The following EFCAB8 variants were observed in gnomAD, a reference collection of about 807,000 sequenced individuals.
The protein encoded by EFCAB8 is EF-hand calcium binding domain 8, also known as EF-hand calcium-binding domain-containing protein 8.
A neutral mutation model predicts 116.3 loss-of-function variants in EFCAB8; 100 were observed. The observed-to-expected ratio is 0.86, with a 90% confidence interval of 0.73 to 1.02. EFCAB8 has a LOEUF of 1.02. EFCAB8 is among the 50% of genes least tolerant of loss of function. The probability of loss-of-function intolerance (pLI) is 0.00; values close to 1 mark genes in which losing one functional copy is unlikely to be tolerated. For synonymous variants in EFCAB8, 558 were observed against 567.9 expected, an observed-to-expected ratio of 0.98 and a Z score of 0.25; for missense variants, 1,320 against 1,416.9, an observed-to-expected ratio of 0.93 and a Z score of 1.10.
chr20:32,893,766 G>T (rs1346146019), intron 9 of EFCAB8, among the ~76,000 whole-genome samples: 1 of 152,128 alleles, frequency 6.6e-6, no homozygotes, highest in Non-Finnish European at 1.5e-5. Context: ...GCATGGCCTG[G>T]CTGGCATGGG....
chr20:32,936,910 TTA>T (rs1302742301), intron 22 of EFCAB8, among the ~76,000 whole-genome samples: 1 of 152,118 alleles, frequency 6.6e-6, no homozygotes. Flanking sequence ...TATGAATATT[TTA>T]ATAATATTAA....
chr20:32,918,450 G>A lies in EFCAB8; in HGVS notation c.2150G>A (p.Arg717Lys), dbSNP rs1365792045. 6.4e-7 allele frequency: 1 copy of A among 1,551,618 alleles called. No homozygotes were observed. Among genetic ancestry groups the A allele is most frequent in the Non-Finnish European group, 8.7e-7 (1 of 1,147,014 alleles). Residue 717 changes from arginine to lysine, a missense_variant, in exon 19 of 27, where the codon AGG becomes AAG. Coordinates refer to ENST00000400522, the MANE Select transcript of EFCAB8 (RefSeq NM_001143967.2). Reference sequence around the variant, plus strand: ...GAGAAGTGGACATACAAGACCTCCAGGAAGCTCTCCAGTCTCAGCCCCGAG... The same window carrying A: ...GAGAAGTGGACATACAAGACCTCCAAGAAGCTCTCCAGTCTCAGCCCCGAG... ...EREKWTYKTS[R>K]KLSSLSPESV...
intron 3 of EFCAB8, among the ~76,000 whole-genome samples, 191 bp downstream of exon 3, chr20:32,867,938 G>A (rs529758994): frequency 1.3e-5 from 2 of 152,146 alleles, no homozygotes; most frequent in Admixed American, 6.6e-5. Context: ...CCATGCTCAA[G>A]CGATCCTCCT....
At chr20:32,869,159 A>T (rs2146174135) in intron 3 of EFCAB8, among the ~76,000 whole-genome samples, 1 of 152,168 alleles carries the variant, frequency 6.6e-6, no homozygotes, top group South Asian at 2.1e-4. Context: ...GTTCCTGGCC[A>T]CGCAGGATTC....
At chr20:32,878,314 A>G (rs1344938216) in intron 4 of EFCAB8, among the ~76,000 whole-genome samples, 2 of 151,712 alleles carry the variant, frequency 1.3e-5, no homozygotes, top group African/African-American at 4.8e-5. Flanking sequence ...TTATAATCCC[A>G]GCACTTTGGG....
intron 3 of EFCAB8, among the ~76,000 whole-genome samples, chr20:32,872,571 G>A (rs1241310446): frequency 6.6e-6 from 1 of 152,022 alleles, no homozygotes; most frequent in East Asian, 1.9e-4. Flanking sequence ...TGAGGTGGGT[G>A]GATCAAGAGG....
chr20:32,930,476 G>T lies in EFCAB8; in HGVS notation c.2491G>T (p.Ala831Ser). The change falls in exon 21 of 27, where the codon GCC becomes TCC. Residue 831 changes from alanine to serine, a missense_variant. Coordinates refer to ENST00000400522, the MANE Select transcript of EFCAB8 (RefSeq NM_001143967.2). ...LSSCMDGYIY[A>S]WSLHENGGLL... ...CAGCTGCATGGACGGCTACATCTAC[G>T]CCTGGTCCCTCCATGAGAATGGAGG... The T allele has an allele frequency of 5.2e-6, 8 of 1,551,922 alleles. No homozygotes were observed. Among genetic ancestry groups the T allele is most frequent in the Non-Finnish European group, 7.0e-6 (8 of 1,147,046 alleles).
chr20:32,958,551 G>A lies in EFCAB8; in HGVS notation c.3089+1G>A, dbSNP rs1989043839. ...AGAAGGTCTTACATCTGGAGCTGCAGTGAGTGAGCACAGCCTGCTTGATCT... is the reference window on the plus strand; with the variant it reads ...AGAAGGTCTTACATCTGGAGCTGCAATGAGTGAGCACAGCCTGCTTGATCT... On this transcript the variant is annotated splice_donor_variant, in intron 24 of 26. Transcript: ENST00000400522. LOFTEE classifies it high-confidence loss of function. The A allele has an allele frequency of 7.2e-6, 3 of 415,984 alleles. No individual in the cohort carries two copies. The highest frequency in any genetic ancestry group is 1.3e-5 in the Non-Finnish European group (3 of 226,328). The allele number at this position is 415,984 out of a possible 1,614,324, so 25.8% of individuals were successfully genotyped here.
chr20:32,877,203 C>A (rs148113309), intron 4 of EFCAB8, among the ~76,000 whole-genome samples: 15,096 of 113,962 alleles, frequency 0.13, 1,930 homozygotes, highest in African/African-American at 0.32. Flanking sequence ...TTATTTATTT[C>A]TTTCTTTTTT....
chr20:32,925,745 A>G (rs1209450971), intron 20 of EFCAB8, among the ~76,000 whole-genome samples: 1 of 152,232 alleles, frequency 6.6e-6, no homozygotes, highest in Non-Finnish European at 1.5e-5. Flanking sequence ...TCCAAGTTAC[A>G]TGAAGTTTAG....
chr20:32,956,196 T>C (rs1751360595), intron 23 of EFCAB8, among the ~76,000 whole-genome samples: 1 of 152,158 alleles, frequency 6.6e-6, no homozygotes, highest in South Asian at 2.1e-4. Flanking sequence ...TGCTGCTTCC[T>C]GTACAAGAAT....
chr20:32,959,826 G>A lies in EFCAB8; in HGVS notation c.3138G>A (p.Gln1046=). 5 of 1,540,250 alleles carry A rather than the reference G, an allele frequency of 3.2e-6. No individual in the cohort carries two copies. Among genetic ancestry groups the A allele is most frequent in the Non-Finnish European group, 4.4e-6 (5 of 1,140,096 alleles). Residue 1046 remains glutamine (Q), a synonymous_variant, in exon 25 of 27, where the codon CAG becomes CAA. Transcript: ENST00000400522. ...CCCTGATATACCAGCGGCGAGAGCA[G>A]GCGGCGCTGATGGCTCTCCTGCATG... ...AEALIYQRRE[Q]AALMALLHGK...
intron 11 of EFCAB8, among the ~76,000 whole-genome samples, chr20:32,899,157 G>A (rs192412810): frequency 1.3e-5 from 2 of 152,118 alleles, no homozygotes; most frequent in Non-Finnish European, 2.9e-5. Flanking sequence ...AAGCCGAGGT[G>A]GGTGGATCAT....
intron 1 of EFCAB8, among the ~76,000 whole-genome samples, chr20:32,863,276 G>A (rs1022293116): frequency 1.3e-5 from 2 of 152,106 alleles, no homozygotes; most frequent in African/African-American, 2.4e-5. Flanking sequence ...CAATAGAAAC[G>A]TTCTCTTTAT....
At chr20:32,900,254 T>C (rs1728497244) in intron 11 of EFCAB8, among the ~76,000 whole-genome samples, 1 of 152,184 alleles carries the variant, frequency 6.6e-6, no homozygotes, top group Non-Finnish European at 1.5e-5. Context: ...CAACTCCTCA[T>C]TTTACAGATG....
At chr20:32,907,237 C>G in intron 13 of EFCAB8, 1 of 447,654 alleles carries the variant, frequency 2.2e-6, no homozygotes, top group Non-Finnish European at 3.0e-6. Context: ...TTTTCTGAGC[C>G]TCAGTCCTCA....
intron 22 of EFCAB8, among the ~76,000 whole-genome samples, chr20:32,935,463 G>C (rs1988083063): frequency 6.6e-6 from 1 of 151,172 alleles, no homozygotes; most frequent in African/African-American, 2.4e-5. Context: ...GCCTCCCAAA[G>C]TGCTGGGATT....
In EFCAB8 at chr20:32,867,575, G is replaced by T. The variant is rs548194615; in HGVS notation, c.43-7G>T. 18 of 1,550,746 alleles carry T rather than the reference G, an allele frequency of 1.2e-5. 1 individual carries two copies. In the South Asian group the frequency reaches 2.1e-4, roughly 18 times the overall value. On this transcript the variant is annotated splice_region_variant and splice_polypyrimidine_tract_variant and intron_variant, in intron 2 of 26. Coordinates refer to ENST00000400522, the MANE Select transcript of EFCAB8 (RefSeq NM_001143967.2). ...TCAGTCCCTGGTTCTTGTTATATTCGTTCCAGCTGTCCATCCCACATGGCT... is the reference window on the plus strand; with the variant it reads ...TCAGTCCCTGGTTCTTGTTATATTCTTTCCAGCTGTCCATCCCACATGGCT...
At chr20:32,934,655 C>T (rs1366395539) in intron 22 of EFCAB8, among the ~76,000 whole-genome samples, 1 of 152,122 alleles carries the variant, frequency 6.6e-6, no homozygotes, top group Non-Finnish European at 1.5e-5. Flanking sequence ...GTAATTGAAT[C>T]GTGGGGGTGG....
Sources: allele counts gnomAD v4.1 joint callset (sites outside exome capture counted in the v4.1 genomes callset), GRCh38; gene constraint gnomAD v4.1.1; transcripts MANE v1.5; gene names NCBI Gene and HGNC (gene_info 2026-07-23, HGNC 2026-07-21).